The following PKDCC variants were observed in gnomAD, a reference collection of about 807,000 sequenced individuals.
PKDCC encodes protein kinase domain containing, cytoplasmic.
Under a neutral mutation model 44.7 loss-of-function variants are expected in PKDCC, and 35 were observed. The ratio of observed to expected loss-of-function variants is 0.78; its 90% CI spans 0.60 to 1.04. The LOEUF is 1.04. Among genes scored for constraint, PKDCC ranks in the 50% least tolerant of loss-of-function variants. The pLI is 0.00. For missense variants in PKDCC, 738 were observed against 672.7 expected (o/e 1.10, Z -1.07); for synonymous variants, 353 against 303.3 (o/e 1.16, Z -1.70).
In PKDCC at chr2:42,051,922, TCTC is replaced by T. The variant is rs1483490143; in HGVS notation, c.640-1313_640-1311del. ...GATATCCACCCCTCCACCGCATAGC[TCTC>T]CTCTCCCTGAGTCGGGCCTGGACAA... On this transcript the variant is annotated intron_variant, in intron 1 of 6. Coordinates refer to ENST00000294964, the MANE Select transcript of PKDCC (RefSeq NM_138370.3). This position sits in a 1 kb window ranked among gnomAD's most constrained non-coding sequence, Gnocchi z 4.2. Among the ~76,000 whole-genome samples, 6 of 151,930 alleles carry T rather than the reference TCTC, an allele frequency of 3.9e-5. No homozygotes were observed. Among genetic ancestry groups the T allele is most frequent in the African/African-American group, 1.5e-4 (6 of 41,330 alleles).
intron 2 of PKDCC, 38 bp from the exon 3 acceptor site, chr2:42,053,998 G>T: frequency 1.3e-6 from 2 of 1,589,450 alleles, no homozygotes; most frequent in African/African-American, 1.3e-5. Context: ...CCCAACCCAG[G>T]AGAAAAGCAG....
chr2:42,055,433 A>T lies in PKDCC; in HGVS notation c.1222+40A>T. On this transcript the variant is annotated intron_variant, in intron 5 of 6. Transcript: ENST00000294964. The surrounding 1 kb of genome is among the most constrained non-coding windows in gnomAD (Gnocchi z 4.5). ...GCTGATCCACAGGGAAGCAAGAAACAGGTGGGAGGGTGAATGACCCCGCCC... is the reference window on the plus strand; with the variant it reads ...GCTGATCCACAGGGAAGCAAGAAACTGGTGGGAGGGTGAATGACCCCGCCC... The T allele has an allele frequency of 6.3e-7, 1 of 1,583,568 alleles. No individual in the cohort carries two copies.
In PKDCC at chr2:42,054,782, T is replaced by A; in HGVS notation, c.1035-159T>A. On this transcript the variant is annotated intron_variant, in intron 3 of 6. Transcript: ENST00000294964. This position sits in a 1 kb window ranked among gnomAD's most constrained non-coding sequence, Gnocchi z 6.1. Reference sequence around the variant, plus strand: ...TGGTGTTAGCATGTGCCCAGAACCCTCCCCCGAGGCTGAGTAGACTTCACT... The same window carrying A: ...TGGTGTTAGCATGTGCCCAGAACCCACCCCCGAGGCTGAGTAGACTTCACT... The A allele has an allele frequency of 1.4e-6, 1 of 733,062 alleles. No homozygotes were observed. 45.4% of individuals were successfully genotyped at this position (733,062 alleles called of 1,614,324 possible).
rs575889091 is a variant in PKDCC, at chr2:42,052,570, G to A, written c.640-669G>A. 8.5e-5 allele frequency among the ~76,000 whole-genome samples: 13 copies of A among 152,188 alleles called. No homozygotes were observed. The South Asian group carries it at 2.7e-3, about 32-fold the overall frequency. ...TTGAGACCAGCCTGGCCAACATGGT[G>A]AAACCCTGTTTCTACTAAAAAGACA... On this transcript the variant is annotated intron_variant, in intron 1 of 6. Coordinates refer to ENST00000294964, the MANE Select transcript of PKDCC (RefSeq NM_138370.3). This position sits in a 1 kb window ranked among gnomAD's most constrained non-coding sequence, Gnocchi z 4.3.
At chr2:42,050,981 C>T (rs781612118) in intron 1 of PKDCC, among the ~76,000 whole-genome samples, 6 of 152,122 alleles carry the variant, frequency 3.9e-5, no homozygotes, top group Non-Finnish European at 8.8e-5. Context: ...GCTTTAATAC[C>T]TCTGAGTTAT....
At position 42,055,296 on chromosome 2, in the gene PKDCC, C is replaced by G. The variant is rs1558432904; in HGVS notation, c.1125C>G (p.Ala375=). 1.2e-6 allele frequency: 2 copies of G among 1,612,952 alleles called. No homozygotes were observed. ...CACTGCACTCTGCAGGAGAGCTCGC[C>G]TGGGGGGTGGACGAGACCCTGGCCC... is the stretch of plus-strand genomic sequence containing the variant. The part of the protein sequence containing the change: ...DSIVNATGEL[A]WGVDETLAQL... Residue 375 remains alanine (A), a synonymous_variant, in exon 5 of 7, where the codon GCC becomes GCG. Coordinates refer to ENST00000294964, the MANE Select transcript of PKDCC (RefSeq NM_138370.3). This position sits in a 1 kb window ranked among gnomAD's most constrained non-coding sequence, Gnocchi z 4.5.
chr2:42,055,161 C>G lies in PKDCC; in HGVS notation c.1115-125C>G. 1.6e-6 allele frequency: 2 copies of G among 1,264,566 alleles called. No individual in the cohort carries two copies. Among genetic ancestry groups the G allele is most frequent in the East Asian group, 4.8e-5 (2 of 41,260 alleles). The allele number at this position is 1,264,566 out of a possible 1,614,324, so 78.3% of individuals were successfully genotyped here. A position where few individuals can be genotyped will look rare whatever the true frequency, so the allele number is the denominator to read the frequency against. On this transcript the variant is annotated intron_variant, in intron 4 of 6. Transcript: ENST00000294964. This position sits in a 1 kb window ranked among gnomAD's most constrained non-coding sequence, Gnocchi z 4.5. Reference sequence around the variant, plus strand: ...AGGTGGCATTCTGCCGCAACCTCCCCGCTCCCCCGCCCTCTGTTCACTGGG... The same window carrying G: ...AGGTGGCATTCTGCCGCAACCTCCCGGCTCCCCCGCCCTCTGTTCACTGGG...
rs1436926572 is a variant in PKDCC at position 42,055,479 on chromosome 2, C to T, written c.1222+86C>T. On this transcript the variant is annotated intron_variant, in intron 5 of 6. Transcript: ENST00000294964. This position sits in a 1 kb window ranked among gnomAD's most constrained non-coding sequence, Gnocchi z 4.5. ...CGCCCAATTAGGCTAAGTGGCTCAC[C>T]CTTTCTCTGGGGACCCTTGTCTCCA... 5.7e-6 allele frequency: 7 copies of T among 1,229,904 alleles called. No homozygotes were observed. The East Asian group carries it at 1.5e-4, about 26-fold the overall frequency. 76.2% of individuals were successfully genotyped at this position (1,229,904 alleles called of 1,614,324 possible).
At chr2:42,049,210 C>T (rs553205445) in intron 1 of PKDCC, among the ~76,000 whole-genome samples, 1 of 152,328 alleles carries the variant, frequency 6.6e-6, no homozygotes, top group East Asian at 1.9e-4. Flanking sequence ...AGCCAAGACA[C>T]TTGAGTCAGA....
Position 42,054,973 on chromosome 2 carries a change from C to T in PKDCC, c.1067C>T (p.Ala356Val), listed in dbSNP as rs764062024. Residue 356 changes from alanine to valine, a missense_variant, in exon 4 of 7, where the codon GCC (alanine) becomes GTC (valine). Ala to Val is a moderately conservative substitution (Grantham distance 64, BLOSUM62 0). Transcript: ENST00000294964. The surrounding 1 kb of genome is among the most constrained non-coding windows in gnomAD (Gnocchi z 6.1). ...TTCACATACCTCCTGCCTCACAGTG[C>T]CCCGCCTTCACTGCGTCCTCTGCTG... ...FFFTYLLPHSAPPSLRPLLDS... is the reference protein window; with the variant it reads ...FFFTYLLPHSVPPSLRPLLDS... The T allele has an allele frequency of 6.2e-7, 1 of 1,614,100 alleles. No homozygotes were observed. Among genetic ancestry groups the T allele is most frequent in the South Asian group, 1.1e-5 (1 of 91,084 alleles).
At position 42,054,507 on chromosome 2, in the gene PKDCC, C is replaced by T; in HGVS notation, c.1034+200C>T. On this transcript the variant is annotated intron_variant, in intron 3 of 6. Transcript: ENST00000294964. The surrounding 1 kb of genome is among the most constrained non-coding windows in gnomAD (Gnocchi z 6.1). ...AAAAATAGACAGCTCCAAGGAGAAT[C>T]CGGGTTAGGGGGTGGCAGCTGGAGG... 1.5e-6 allele frequency: 1 copy of T among 662,450 alleles called. No homozygotes were observed. Among genetic ancestry groups the T allele is most frequent in the Non-Finnish European group, 2.5e-6 (1 of 399,486 alleles). The allele number at this position is 662,450 out of a possible 1,614,324, so 41.0% of individuals were successfully genotyped here.
rs1453942636 is a variant in PKDCC at position 42,048,226 on chromosome 2, C to G, written c.27C>G (p.Ala9=). ...TGCGGCGCCGGCGGGCGGCAGTGGC[C>G]GCGGGTTTCTGCGCCTCCTTCCTGC... MRRRRAAV[A]AGFCASFLLG... is the part of the protein sequence containing the mutation. Residue 9 remains alanine, a synonymous_variant, in exon 1 of 7, where the codon GCC becomes GCG. Transcript: ENST00000294964. This position sits in a 1 kb window ranked among gnomAD's most constrained non-coding sequence, Gnocchi z 6.2. The G allele has an allele frequency of 5.6e-6, 7 of 1,242,852 alleles. No homozygotes were observed. Among genetic ancestry groups the G allele is most frequent in the Non-Finnish European group, 7.1e-6 (7 of 981,762 alleles). 77.0% of individuals were successfully genotyped at this position (1,242,852 alleles called of 1,614,324 possible).
chr2:42,054,378 C>G lies in PKDCC; in HGVS notation c.1034+71C>G. 6.6e-7 allele frequency: 1 copy of G among 1,507,676 alleles called. No individual in the cohort carries two copies. The highest frequency in any genetic ancestry group is 8.9e-7 in the Non-Finnish European group (1 of 1,120,210). 93.4% of individuals were successfully genotyped at this position (1,507,676 alleles called of 1,614,324 possible). A position where few individuals can be genotyped will look rare whatever the true frequency, so the allele number is the denominator to read the frequency against. On this transcript the variant is annotated intron_variant, in intron 3 of 6. Transcript: ENST00000294964. The surrounding 1 kb of genome is among the most constrained non-coding windows in gnomAD (Gnocchi z 6.1). Reference sequence around the variant, plus strand: ...CCAGGAGGGCATGGCAGGAAGAGAGCCAACGTGGAGGCCAGCTGGGCAGGG... The same window carrying G: ...CCAGGAGGGCATGGCAGGAAGAGAGGCAACGTGGAGGCCAGCTGGGCAGGG...
chr2:42,053,815 C>T (rs1668008093), intron 2 of PKDCC, among the ~76,000 whole-genome samples: 1 of 152,136 alleles, frequency 6.6e-6, no homozygotes, highest in South Asian at 2.1e-4. Flanking sequence ...CCACCCACTC[C>T]ATATCATTTC....
rs1008854127 is a variant in PKDCC, at chr2:42,051,564, C to T, written c.640-1675C>T. On this transcript the variant is annotated intron_variant, in intron 1 of 6. Transcript: ENST00000294964. This position sits in a 1 kb window ranked among gnomAD's most constrained non-coding sequence, Gnocchi z 4.2. ...CGTTAACAGCGCATTTAACGACCTC[C>T]GGGTGTTTAATAACCTTCAGAAGTT... Among the ~76,000 whole-genome samples, 3 of 152,116 alleles carry T rather than the reference C, an allele frequency of 2.0e-5. No individual in the cohort carries two copies. Among genetic ancestry groups the T allele is most frequent in the Non-Finnish European group, 2.9e-5 (2 of 68,022 alleles).
chr2:42,054,821 T>G lies in PKDCC; in HGVS notation c.1035-120T>G, dbSNP rs1183838978. On this transcript the variant is annotated intron_variant, in intron 3 of 6. Transcript: ENST00000294964. This position sits in a 1 kb window ranked among gnomAD's most constrained non-coding sequence, Gnocchi z 6.1. The stretch of plus-strand genomic sequence containing the variant: ...GTAGACTTCACTGCGTTCTGCCTGG[T>G]TGCTAGGCCTGAGGGATCCGGCTCC... The G allele has an allele frequency of 5.4e-6, 5 of 922,708 alleles. No individual in the cohort carries two copies. Among genetic ancestry groups the G allele is most frequent in the Non-Finnish European group, 8.9e-6 (5 of 560,922 alleles). 57.2% of individuals were successfully genotyped at this position (922,708 alleles called of 1,614,324 possible).
At position 42,048,723 on chromosome 2, in the gene PKDCC, T is replaced by TG. The variant is rs1667916839; in HGVS notation, c.527dup (p.Ser177GlnfsTer22). ...GCGGTGGACTTTAGCGGCCACGATC[T>TG]GGGCAGCTGCGTGCGCGAGTTCGGG... On this transcript the variant is annotated frameshift_variant, in exon 1 of 7. Transcript: ENST00000294964. LOFTEE classifies it high-confidence loss of function. The surrounding 1 kb of genome is among the most constrained non-coding windows in gnomAD (Gnocchi z 6.2). The TG allele has an allele frequency of 6.4e-7, 1 of 1,564,388 alleles. No homozygotes were observed. Among genetic ancestry groups the TG allele is most frequent in the Admixed American group, 1.9e-5 (1 of 52,634 alleles).
In PKDCC at chr2:42,055,649, A is replaced by G; in HGVS notation, c.1222+256A>G. 2.1e-6 allele frequency: 1 copy of G among 477,092 alleles called. No individual in the cohort carries two copies. Among genetic ancestry groups the G allele is most frequent in the Non-Finnish European group, 3.8e-6 (1 of 263,588 alleles). The allele number at this position is 477,092 out of a possible 1,614,324, so 29.6% of individuals were successfully genotyped here. A position where few individuals can be genotyped will look rare whatever the true frequency, so the allele number is the denominator to read the frequency against. ...GATACCCCTACTCTGGATGGCTCCA[A>G]ACCCTATCATGTACTGGCTATATGA... On this transcript the variant is annotated intron_variant, in intron 5 of 6. Transcript: ENST00000294964. The surrounding 1 kb of genome is among the most constrained non-coding windows in gnomAD (Gnocchi z 4.5).
rs1445508583 is a variant in PKDCC at position 42,053,920 on chromosome 2, G to A, written c.763-116G>A. 6 of 1,330,040 alleles carry A rather than the reference G, an allele frequency of 4.5e-6. No individual in the cohort carries two copies. In the East Asian group the frequency reaches 1.4e-4, roughly 31 times the overall value. The allele number at this position is 1,330,040 out of a possible 1,614,324, so 82.4% of individuals were successfully genotyped here. A position where few individuals can be genotyped will look rare whatever the true frequency, so the allele number is the denominator to read the frequency against. The stretch of plus-strand genomic sequence containing the variant: ...TTGTGGAGCCCTGGGGCCTATAGAA[G>A]AGAAGTGCCAACCCCCACAAGCAAA... On this transcript the variant is annotated intron_variant, in intron 2 of 6. Coordinates refer to ENST00000294964, the MANE Select transcript of PKDCC (RefSeq NM_138370.3).
Sources: allele counts gnomAD v4.1 joint callset (sites outside exome capture counted in the v4.1 genomes callset), GRCh38; gene constraint gnomAD v4.1.1; non-coding constraint Gnocchi (gnomAD v3.1); transcripts MANE v1.5; gene names NCBI Gene and HGNC (gene_info 2026-07-23, HGNC 2026-07-21).